Variants in GRIN2B observed in about 807,000 individuals in gnomAD.
The protein encoded by GRIN2B is glutamate ionotropic receptor NMDA type subunit 2B, also known as glutamate receptor ionotropic, NMDA 2B.
A neutral mutation model predicts 114.5 loss-of-function variants in GRIN2B; 5 were observed. That is an observed-to-expected ratio of 0.04 (90% CI 0.02 to 0.09). The LOEUF (loss-of-function observed/expected upper bound fraction) is 0.09, where lower values mean the gene tolerates loss of function less well. Among genes scored for constraint, GRIN2B ranks in the 10% least tolerant of loss-of-function variants. The pLI, the probability that GRIN2B is intolerant of heterozygous loss-of-function variation, is 1.00. For missense variants in GRIN2B, 1,108 were observed against 1,943.5 expected (o/e 0.57, Z 8.08); for synonymous variants, 787 against 745.1 (o/e 1.06, Z -0.92).
At chr12:13,786,844 C>T (rs545470660) in intron 3 of GRIN2B, among the ~76,000 whole-genome samples, 9 of 152,116 alleles carry the variant, frequency 5.9e-5, no homozygotes, top group Middle Eastern at 3.4e-3. Context: ...ATGCAGGCTG[C>T]GCTGCAGGTG....
chr12:13,573,581 T>C (rs1948734360), intron 10 of GRIN2B, among the ~76,000 whole-genome samples: 1 of 152,004 alleles, frequency 6.6e-6, no homozygotes, highest in Admixed American at 6.6e-5. Flanking sequence ...CTTATTCTAT[T>C]AGTACAGCAA....
intron 3 of GRIN2B, among the ~76,000 whole-genome samples, chr12:13,803,056 C>T (rs1864544903): frequency 1.3e-5 from 2 of 152,220 alleles, no homozygotes; most frequent in South Asian, 2.1e-4. Flanking sequence ...CTATGATTAT[C>T]CACTTCCACT....
chr12:13,607,352 AATATATAATATATATTATATATTAT>A (rs1949282436), intron 10 of GRIN2B, among the ~76,000 whole-genome samples: 17 of 29,826 alleles, frequency 5.7e-4, no homozygotes, highest in African/African-American at 1.3e-3. Flanking sequence ...TAATATATAA[AATATATAATATATATTATATATTAT>A]ATATATAATA....
intron 2 of GRIN2B, among the ~76,000 whole-genome samples, chr12:13,902,341 T>TA (rs1417347055): frequency 6.6e-6 from 1 of 152,214 alleles, no homozygotes; most frequent in Non-Finnish European, 1.5e-5. Context: ...TTAATAATTT[T>TA]AAAATGCAGT....
chr12:13,880,299 G>A (rs1213415516), intron 2 of GRIN2B, among the ~76,000 whole-genome samples: 1 of 152,208 alleles, frequency 6.6e-6, no homozygotes, highest in Non-Finnish European at 1.5e-5. Context: ...AAACATATTG[G>A]GGAATGAGAA....
chr12:13,559,419 G>C lies in GRIN2B; in HGVS notation c.*3364C>G, dbSNP rs1948512015. 1 of 152,196 alleles carries C rather than the reference G, an allele frequency of 6.6e-6. No individual in the cohort carries two copies. 9.4% of individuals were successfully genotyped at this position (152,196 alleles called of 1,614,324 possible). On this transcript the variant is annotated 3_prime_UTR_variant, in exon 14 of 14. Coordinates refer to ENST00000609686, the MANE Select transcript of GRIN2B (RefSeq NM_000834.5). ...CAACCTCCACAAAGCCAACAGTCTA[G>C]GAAAAGAAGTTCTATTTGTCTGGTT...
At chr12:13,710,187 A>G (rs1950400689) in intron 4 of GRIN2B, among the ~76,000 whole-genome samples, 1 of 151,958 alleles carries the variant, frequency 6.6e-6, no homozygotes, top group South Asian at 2.1e-4. Flanking sequence ...ATATTTTATG[A>G]CTGAATTTAT....
At chr12:13,636,128 A>G (rs1162436529) in intron 5 of GRIN2B, among the ~76,000 whole-genome samples, 2 of 152,216 alleles carry the variant, frequency 1.3e-5, no homozygotes. Flanking sequence ...CAGAGGCTTG[A>G]ATAAAGTGAA....
At chr12:13,720,944 A>T (rs1950502809) in intron 4 of GRIN2B, among the ~76,000 whole-genome samples, 1 of 152,108 alleles carries the variant, frequency 6.6e-6, no homozygotes, top group African/African-American at 2.4e-5. Flanking sequence ...GGAGAGAGAG[A>T]TAATAAACTA....
intron 2 of GRIN2B, among the ~76,000 whole-genome samples, chr12:13,900,968 TG>T (rs1240708812): frequency 6.6e-6 from 1 of 152,134 alleles, no homozygotes; most frequent in African/African-American, 2.4e-5. Context: ...GATTCCAACT[TG>T]GGGCAATTCT....
intron 3 of GRIN2B, among the ~76,000 whole-genome samples, chr12:13,864,796 G>A (rs539312605): frequency 3.7e-4 from 57 of 152,198 alleles, no homozygotes; most frequent in Non-Finnish European, 5.7e-4. Context: ...ATTTAAAGCA[G>A]TGGTTGTCAA....
chr12:13,853,501 G>A (rs558842080), intron 3 of GRIN2B, among the ~76,000 whole-genome samples: 13 of 152,280 alleles, frequency 8.5e-5, no homozygotes, highest in South Asian at 8.3e-4. Context: ...TTGAAAGAGC[G>A]CTAATAAAGT....
Position 13,564,517 on chromosome 12 carries a change from G to A in GRIN2B, c.2721C>T (p.Asn907=). 6 of 1,614,230 alleles carry A rather than the reference G, an allele frequency of 3.7e-6. No homozygotes were observed. Among genetic ancestry groups the A allele is most frequent in the Non-Finnish European group, 5.1e-6 (6 of 1,180,028 alleles). The change falls in exon 14 of 14, where the codon AAC becomes AAT. Residue 907 remains asparagine, a synonymous_variant. Transcript: ENST00000609686. The surrounding 1 kb of genome is among the most constrained non-coding windows in gnomAD (Gnocchi z 4.8). ...CATTCACACCAGACAGGTTAGCCAT[G>A]TTCTTGGCCGTGCGCAGCAGGCGCA... ...NILRLLRTAK[N]MANLSGVNGS... is the part of the protein sequence containing the mutation.
At chr12:13,650,785 T>C (rs376152292) in intron 5 of GRIN2B, among the ~76,000 whole-genome samples, 1 of 152,112 alleles carries the variant, frequency 6.6e-6, no homozygotes, top group Admixed American at 6.6e-5. Context: ...TTATATTGTA[T>C]AATTTACTTA....
intron 2 of GRIN2B, among the ~76,000 whole-genome samples, chr12:13,932,443 T>C (rs527678118): frequency 6.6e-6 from 1 of 152,358 alleles, no homozygotes; most frequent in East Asian, 1.9e-4. Flanking sequence ...CTTTTGTCCA[T>C]CTTCTTCATC....
intron 3 of GRIN2B, among the ~76,000 whole-genome samples, chr12:13,787,952 A>T (rs1348798345): frequency 6.6e-6 from 1 of 152,204 alleles, no homozygotes; most frequent in Non-Finnish European, 1.5e-5. Context: ...AACTTATCTC[A>T]AATACACCAG....
intron 2 of GRIN2B, among the ~76,000 whole-genome samples, chr12:13,923,592 G>C (rs1267861902): frequency 6.6e-6 from 1 of 152,118 alleles, no homozygotes; most frequent in African/African-American, 2.4e-5. Flanking sequence ...ATAAATCCAA[G>C]GGAGTTTAGA....
chr12:13,605,979 A>G (rs1949241342), intron 10 of GRIN2B, among the ~76,000 whole-genome samples: 1 of 152,142 alleles, frequency 6.6e-6, no homozygotes, highest in African/African-American at 2.4e-5. Context: ...TGCATAGGAC[A>G]TGATACACTA....
At position 13,740,347 on chromosome 12, in the gene GRIN2B, C is replaced by T. The variant is rs954518750; in HGVS notation, c.1010+12970G>A. Among the ~76,000 whole-genome samples the T allele has an allele frequency of 2.6e-5, 4 of 152,146 alleles. 1 individual carries two copies. The highest frequency in any genetic ancestry group is 5.9e-5 in the Non-Finnish European group (4 of 68,042). On this transcript the variant is annotated intron_variant, in intron 4 of 13. Coordinates refer to ENST00000609686, the MANE Select transcript of GRIN2B (RefSeq NM_000834.5). ...ATGTATTGTCCGTATTCCCGGCATCCGGCACAGGGTTCAGTACATACAGAA... is the reference window on the plus strand; with the variant it reads ...ATGTATTGTCCGTATTCCCGGCATCTGGCACAGGGTTCAGTACATACAGAA...
Sources: gnomAD v4.1 joint callset for allele counts (sites outside exome capture counted in the v4.1 genomes callset) on GRCh38, gnomAD v4.1.1 for gene constraint, Gnocchi (gnomAD v3.1) non-coding constraint, MANE v1.5 for transcripts, NCBI Gene and HGNC (gene_info 2026-07-23, HGNC 2026-07-21) for gene names.